CHN2: variants seen among roughly 807,000 people sequenced by gnomAD.
CHN2 encodes the protein beta-chimaerin.
CHN2 carries 35 observed loss-of-function variants against 56.3 expected under a neutral mutation model. That is an observed-to-expected ratio of 0.62 (90% CI 0.47 to 0.82). CHN2 has a LOEUF of 0.82. CHN2 is among the 40% of genes least tolerant of loss of function. The probability of loss-of-function intolerance (pLI) is 0.00; values close to 1 mark genes in which losing one functional copy is unlikely to be tolerated. For synonymous variants in CHN2, 210 were observed against 212.8 expected, an observed-to-expected ratio of 0.99 and a Z score of 0.12; for missense variants, 491 against 580.5, an observed-to-expected ratio of 0.85 and a Z score of 1.58.
At chr7:29,183,058 A>G (rs924148222) in intron 2 of CHN2, among the ~76,000 whole-genome samples, 23 of 151,806 alleles carry the variant, frequency 1.5e-4, no homozygotes, top group Admixed American at 9.2e-4. Flanking sequence ...ACAGGTACGA[A>G]GGCAACTGGA....
chr7:29,333,358 G>A (rs1449489783), intron 1 of CHN2, among the ~76,000 whole-genome samples: 1 of 152,158 alleles, frequency 6.6e-6, no homozygotes, highest in Non-Finnish European at 1.5e-5. Flanking sequence ...GTTGAAAGAT[G>A]TCTCAGAGCC....
At chr7:29,467,898 G>T (rs1335551030) in intron 6 of CHN2, among the ~76,000 whole-genome samples, 2 of 152,070 alleles carry the variant, frequency 1.3e-5, no homozygotes, top group Non-Finnish European at 2.9e-5. Flanking sequence ...CTTTTTTTCT[G>T]TTTTGTTGCT....
intron 6 of CHN2, among the ~76,000 whole-genome samples, chr7:29,449,130 T>A (rs17158002): frequency 6.6e-6 from 1 of 152,104 alleles, no homozygotes; most frequent in East Asian, 1.9e-4. Flanking sequence ...CAAGTTAAAC[T>A]TAGCAGAATA....
At chr7:29,343,075 T>A (rs1797165086) in intron 1 of CHN2, among the ~76,000 whole-genome samples, 1 of 152,196 alleles carries the variant, frequency 6.6e-6, no homozygotes, top group Non-Finnish European at 1.5e-5. Context: ...ATTCCTTTGA[T>A]GAAAATAATT....
intron 6 of CHN2, chr7:29,479,799 C>T (rs540127533): frequency 2.8e-4 from 342 of 1,231,090 alleles, no homozygotes; most frequent in Non-Finnish European, 3.3e-4. Context: ...CTGCCGGCCC[C>T]TGCCTCCCTG....
intron 2 of CHN2, among the ~76,000 whole-genome samples, chr7:29,187,252 T>C (rs1798824580): frequency 6.6e-6 from 1 of 152,106 alleles, no homozygotes; most frequent in Admixed American, 6.6e-5. Flanking sequence ...AAATCTACTT[T>C]GAAATTCCAC....
chr7:29,375,137 G>A lies in CHN2; in HGVS notation c.144+7150G>A, dbSNP rs1328859783. Reference sequence around the variant, plus strand: ...ACTCCTGACCTCAGGTGATCCACCCGCCTCAGCCTCCCAAAATGCTGGGAT... The same window carrying A: ...ACTCCTGACCTCAGGTGATCCACCCACCTCAGCCTCCCAAAATGCTGGGAT... On this transcript the variant is annotated intron_variant, in intron 3 of 12. Transcript: ENST00000222792. Among the ~76,000 whole-genome samples the A allele has an allele frequency of 5.6e-5, 8 of 142,734 alleles. No individual in the cohort carries two copies. In the East Asian group the frequency reaches 6.4e-4, roughly 11 times the overall value. The allele number at this position is 142,734 out of a possible 152,430, so 93.6% of individuals were successfully genotyped here.
intron 7 of CHN2, 88 bp from the exon 8 acceptor site, chr7:29,495,864 T>C: frequency 9.4e-7 from 1 of 1,061,766 alleles, no homozygotes; most frequent in South Asian, 1.3e-5. Flanking sequence ...GGGGGATCGC[T>C]CCTGCTGATC....
chr7:29,250,023 C>T (rs537192906), intron 1 of CHN2, among the ~76,000 whole-genome samples: 18 of 152,266 alleles, frequency 1.2e-4, no homozygotes, highest in African/African-American at 1.7e-4. Flanking sequence ...AAGACCTTAC[C>T]GACTTAACCA....
rs553869184 is a variant in CHN2 at position 29,314,795 on chromosome 7, A to G, written c.50-39830A>G. On this transcript the variant is annotated intron_variant, in intron 1 of 12. Transcript: ENST00000222792. ...CTTGCATTTCCACTGAAGGGTGAAT[A>G]ATTGAGCCTTTACTGCTGTTTATTT... Among the ~76,000 whole-genome samples, 4 of 152,178 alleles carry G rather than the reference A, an allele frequency of 2.6e-5. No homozygotes were observed. The East Asian group carries it at 7.7e-4, about 29-fold the overall frequency.
chr7:29,270,096 A>G (rs1440450626), intron 1 of CHN2, among the ~76,000 whole-genome samples: 1 of 152,108 alleles, frequency 6.6e-6, no homozygotes, highest in Non-Finnish European at 1.5e-5. Flanking sequence ...TGTGGCCTAA[A>G]TCATAAATGC....
At chr7:29,497,987 G>A (rs1285000248) in intron 8 of CHN2, among the ~76,000 whole-genome samples, 1 of 152,074 alleles carries the variant, frequency 6.6e-6, no homozygotes, top group Non-Finnish European at 1.5e-5. Flanking sequence ...GGTAGTGGTT[G>A]CATAACAGTG....
chr7:29,201,310 G>A (rs1042821906), intron 1 of CHN2, among the ~76,000 whole-genome samples: 3 of 152,088 alleles, frequency 2.0e-5, no homozygotes, highest in African/African-American at 7.2e-5. Context: ...AGCTAGAGCT[G>A]GAACTGTCAT....
intron 1 of CHN2, among the ~76,000 whole-genome samples, chr7:29,301,879 A>G (rs1232183736): frequency 1.3e-5 from 2 of 152,220 alleles, no homozygotes; most frequent in African/African-American, 2.4e-5. Flanking sequence ...ACTTAAACAT[A>G]TATTTCCACT....
intron 1 of CHN2, among the ~76,000 whole-genome samples, chr7:29,256,691 G>C (rs1366882892): frequency 6.6e-6 from 1 of 152,130 alleles, no homozygotes. Context: ...CATCAGGCTG[G>C]TCTGGCACAG....
At chr7:29,369,174 A>C (rs774259297) in intron 3 of CHN2, among the ~76,000 whole-genome samples, 1 of 152,232 alleles carries the variant, frequency 6.6e-6, no homozygotes, top group African/African-American at 2.4e-5. Context: ...GAATTAAGAC[A>C]CAAGTTGCTA....
intron 1 of CHN2, among the ~76,000 whole-genome samples, chr7:29,219,045 C>T (rs536541029): frequency 6.6e-6 from 1 of 152,282 alleles, no homozygotes; most frequent in South Asian, 2.1e-4. Context: ...TGGGCAGGCT[C>T]TGTCGGAGAC....
chr7:29,493,327 A>G (rs776230688), intron 7 of CHN2, among the ~76,000 whole-genome samples: 10 of 152,118 alleles, frequency 6.6e-5, no homozygotes, highest in South Asian at 6.2e-4. Flanking sequence ...ATCCCCCTCA[A>G]TGATGAAATC....
intron 2 of CHN2, among the ~76,000 whole-genome samples, chr7:29,367,618 T>C (rs986341374): frequency 1.3e-5 from 2 of 152,156 alleles, no homozygotes; most frequent in Admixed American, 6.5e-5. Context: ...ATCTTTAAAA[T>C]AGTCAAAAGA....
Sources: gnomAD v4.1 joint callset for allele counts (sites outside exome capture counted in the v4.1 genomes callset) on GRCh38, gnomAD v4.1.1 for gene constraint, MANE v1.5 for transcripts, NCBI Gene and HGNC (gene_info 2026-07-23, HGNC 2026-07-21) for gene names.